Variants in RGS22 observed in about 807,000 individuals in gnomAD.
The protein encoded by RGS22 is regulator of G-protein signaling 22.
In RGS22, 148 loss-of-function variants were observed where a neutral mutation model predicts 172.9. The observed-to-expected ratio is 0.86, with a 90% confidence interval of 0.75 to 0.98. The LOEUF is 0.98. Among genes scored for constraint, RGS22 ranks in the 50% least tolerant of loss-of-function variants. The pLI is 0.00. For missense variants in RGS22, 1,347 were observed against 1,440.8 expected, an observed-to-expected ratio of 0.93 and a Z score of 1.05; for synonymous variants, 458 against 480.2, an observed-to-expected ratio of 0.95 and a Z score of 0.60.
chr8:99,971,598 C>G (rs1811358837), intron 23 of RGS22, among the ~76,000 whole-genome samples: 1 of 151,940 alleles, frequency 6.6e-6, no homozygotes. Context: ...AAACAGAGAG[C>G]CAAATCATGA....
At chr8:100,013,919 C>G (rs1816682646) in intron 14 of RGS22, among the ~76,000 whole-genome samples, 1 of 152,188 alleles carries the variant, frequency 6.6e-6, no homozygotes, top group African/African-American at 2.4e-5. Flanking sequence ...AACATAATGA[C>G]TGACTCCATT....
At chr8:100,086,856 A>C (rs1488031838) in intron 3 of RGS22, among the ~76,000 whole-genome samples, 2 of 152,256 alleles carry the variant, frequency 1.3e-5, no homozygotes, top group East Asian at 3.9e-4. Context: ...CTGCTTTACA[A>C]CAAGGAGGAG....
At chr8:100,016,475 C>T (rs1816966745) in intron 14 of RGS22, among the ~76,000 whole-genome samples, 2 of 152,002 alleles carry the variant, frequency 1.3e-5, no homozygotes, top group South Asian at 4.2e-4. Flanking sequence ...CAGCATAATC[C>T]TTAAGAATAA....
intron 21 of RGS22, among the ~76,000 whole-genome samples, chr8:99,987,010 T>G (rs1813169665): frequency 6.6e-6 from 1 of 152,206 alleles, no homozygotes; most frequent in East Asian, 1.9e-4. Context: ...ACAGGTTGAG[T>G]ATCCCTTATC....
rs374175790 is a variant in RGS22 at position 100,080,364 on chromosome 8, T to G, written c.118-9A>C. ...ATTGCCTCTGAAAAGGTCTGCAATA[T>G]AAATTTGTGGAAATTAAAACATTTT... On this transcript the variant is annotated splice_polypyrimidine_tract_variant and intron_variant, in intron 3 of 27. Coordinates refer to ENST00000360863, the MANE Select transcript of RGS22 (RefSeq NM_015668.5). The G allele has an allele frequency of 1.9e-4, 306 of 1,583,928 alleles. No homozygotes were observed. Among genetic ancestry groups the G allele is most frequent in the Non-Finnish European group, 2.5e-4 (296 of 1,163,316 alleles).
chr8:100,023,662 T>C (rs928422770), intron 14 of RGS22, among the ~76,000 whole-genome samples: 8 of 152,114 alleles, frequency 5.3e-5, no homozygotes, highest in Non-Finnish European at 8.8e-5. Flanking sequence ...CTTGAACTCC[T>C]GGGGTCAAGT....
intron 9 of RGS22, among the ~76,000 whole-genome samples, chr8:100,060,096 G>A (rs1298556162): frequency 1.3e-5 from 2 of 151,888 alleles, no homozygotes; most frequent in Admixed American, 6.6e-5. Context: ...CAATCAGATC[G>A]ATCACACTCA....
intron 14 of RGS22, among the ~76,000 whole-genome samples, chr8:100,022,696 T>A (rs572951305): frequency 6.6e-6 from 1 of 152,186 alleles, no homozygotes; most frequent in South Asian, 2.1e-4. Context: ...TATTAATAAA[T>A]AATTTCTTGG....
Position 100,023,217 on chromosome 8 carries a change from A to G in RGS22, c.2167-14648T>C, listed in dbSNP as rs1267793697. Among the ~76,000 whole-genome samples, 6 of 152,272 alleles carry G rather than the reference A, an allele frequency of 3.9e-5. No homozygotes were observed. In the East Asian group the frequency reaches 1.2e-3, roughly 29 times the overall value. ...GTTTACCAGCACACCATCTTGGAAAACAAGTTTACATAGTCAGAATAAGTG... is the reference window on the plus strand; with the variant it reads ...GTTTACCAGCACACCATCTTGGAAAGCAAGTTTACATAGTCAGAATAAGTG... On this transcript the variant is annotated intron_variant, in intron 14 of 27. Transcript: ENST00000360863.
intron 7 of RGS22, among the ~76,000 whole-genome samples, chr8:100,065,410 A>T (rs76886958): frequency 6.6e-6 from 1 of 152,162 alleles, no homozygotes; most frequent in Admixed American, 6.5e-5. Context: ...GGTATTTTCA[A>T]TTGGGGAGAT....
chr8:100,005,564 T>G (rs1297383918), intron 16 of RGS22, among the ~76,000 whole-genome samples: 1 of 152,204 alleles, frequency 6.6e-6, no homozygotes, highest in Non-Finnish European at 1.5e-5. Flanking sequence ...CTATGATCTT[T>G]TTACCGTCTT....
At chr8:100,003,567 A>G (rs1201103042) in intron 17 of RGS22, among the ~76,000 whole-genome samples, 2 of 152,050 alleles carry the variant, frequency 1.3e-5, no homozygotes, top group African/African-American at 4.8e-5. Context: ...CAATATCTCA[A>G]TGAAATATAA....
intron 14 of RGS22, among the ~76,000 whole-genome samples, chr8:100,015,375 C>G (rs1270815520): frequency 2.0e-5 from 3 of 152,120 alleles, no homozygotes; most frequent in African/African-American, 7.2e-5. Flanking sequence ...TCACTGCAAC[C>G]TCTGCCTGCC....
intron 21 of RGS22, among the ~76,000 whole-genome samples, chr8:99,986,513 G>A (rs960673181): frequency 2.6e-5 from 4 of 152,120 alleles, no homozygotes; most frequent in Non-Finnish European, 5.9e-5. Context: ...TGCTACCTCT[G>A]GGAGCATTTA....
chr8:100,033,512 T>A (rs916832790), intron 14 of RGS22, among the ~76,000 whole-genome samples: 3 of 150,108 alleles, frequency 2.0e-5, no homozygotes, highest in Admixed American at 6.7e-5. Flanking sequence ...GCTCTGAAAT[T>A]GAGGCAGTAA....
chr8:100,036,629 T>C (rs2131578142), intron 14 of RGS22, among the ~76,000 whole-genome samples: 2 of 152,294 alleles, frequency 1.3e-5, no homozygotes, highest in African/African-American at 4.8e-5. Flanking sequence ...GTCAGGGTCT[T>C]GTTCTGCCAC....
intron 21 of RGS22, 42 bp from the exon 22 acceptor site, chr8:99,982,158 T>C: frequency 2.1e-6 from 3 of 1,433,054 alleles, no homozygotes; most frequent in Non-Finnish European, 2.9e-6. Context: ...ATTAATGCAT[T>C]ACCAGAACAC....
rs776929078 is a variant in RGS22 at position 100,080,157 on chromosome 8, T to C, written c.316A>G (p.Ile106Val). 1.2e-5 allele frequency: 20 copies of C among 1,607,872 alleles called. No individual in the cohort carries two copies. Among genetic ancestry groups the C allele is most frequent in the Non-Finnish European group, 1.7e-5 (20 of 1,174,906 alleles). ...ACCATAATATTGTAGTTGACATTAA[T>C]GGTCTCATCTTCATCGGGGGCATTC... ...QMNAPDEDETINVNYNIMCLS... is the reference protein window; with the variant it reads ...QMNAPDEDETVNVNYNIMCLS... The change falls in exon 4 of 28, where the codon ATT (isoleucine) becomes GTT (valine). Residue 106 changes from isoleucine to valine, a missense_variant. Coordinates refer to ENST00000360863, the MANE Select transcript of RGS22 (RefSeq NM_015668.5).
intron 14 of RGS22, among the ~76,000 whole-genome samples, chr8:100,016,978 C>CTTTTTTTTTTTTTTTT (rs71274949): frequency 2.8e-5 from 1 of 36,110 alleles, no homozygotes; most frequent in East Asian, 8.8e-4. Flanking sequence ...CCTTACCAGT[C>CTTTTTTTTTTTTTTTT]TTTTTTTTTT....
Sources: allele counts gnomAD v4.1 joint callset (sites outside exome capture counted in the v4.1 genomes callset), GRCh38; gene constraint gnomAD v4.1.1; transcripts MANE v1.5; gene names NCBI Gene and HGNC (gene_info 2026-07-23, HGNC 2026-07-21).